The following RBM6 variants were observed in gnomAD, a reference collection of about 807,000 sequenced individuals.
RBM6 encodes RNA binding motif protein 6.
In RBM6, 23 loss-of-function variants were observed where a neutral mutation model predicts 140.4. That is an observed-to-expected ratio of 0.16 (90% CI 0.12 to 0.23). The LOEUF is 0.23. Ranked by LOEUF, RBM6 falls within the 10% of genes least tolerant of loss-of-function variation. The pLI is 1.00. For synonymous variants in RBM6, 439 were observed against 475.6 expected, an observed-to-expected ratio of 0.92 and a Z score of 1.00; for missense variants, 1,139 against 1,386.7, an observed-to-expected ratio of 0.82 and a Z score of 2.84.
chr3:50,023,278 A>G lies in RBM6; in HGVS notation c.1557+23765A>G. Among the ~76,000 whole-genome samples the G allele has an allele frequency of 1.3e-5, 2 of 151,658 alleles. 1 individual carries two copies. On this transcript the variant is annotated intron_variant, in intron 6 of 20. Coordinates refer to ENST00000266022, the MANE Select transcript of RBM6 (RefSeq NM_005777.3). ...CTTCTTCTTGCTTTTATAAAGTCTT[A>G]GCTCCTGTGGAGTTTTCTCTCAGTT...
At chr3:50,023,589 G>A (rs1283255861) in intron 6 of RBM6, among the ~76,000 whole-genome samples, 1 of 151,854 alleles carries the variant, frequency 6.6e-6, no homozygotes, top group Admixed American at 6.6e-5. Flanking sequence ...TGTTTTAAAA[G>A]GAGGTGAATT....
intron 5 of RBM6, among the ~76,000 whole-genome samples, chr3:49,986,067 A>G (rs1316114938): frequency 6.6e-6 from 1 of 151,320 alleles, no homozygotes; most frequent in African/African-American, 2.4e-5. Context: ...TTCACTGGCA[A>G]CCTCCACCTC....
intron 6 of RBM6, among the ~76,000 whole-genome samples, chr3:50,031,307 C>T (rs2088139374): frequency 6.6e-6 from 1 of 152,104 alleles, no homozygotes; most frequent in African/African-American, 2.4e-5. Context: ...GCACTATTCA[C>T]AATAGCAAAG....
chr3:50,039,482 ACCCCC>A lies in RBM6; in HGVS notation c.1558-8753_1558-8749del, dbSNP rs10546220. Among the ~76,000 whole-genome samples, 18 of 122,236 alleles carry A rather than the reference ACCCCC, an allele frequency of 1.5e-4. 1 individual carries two copies. The highest frequency in any genetic ancestry group is 2.1e-4 in the Non-Finnish European group (12 of 56,074). 80.2% of individuals were successfully genotyped at this position (122,236 alleles called of 152,430 possible). Reference sequence around the variant, plus strand: ...TCGAACTCCTGACCTCAGGTGATCCACCCCCCCCCCCCCCACCCTTGGTCTCCCAA... The same window carrying A: ...TCGAACTCCTGACCTCAGGTGATCCACCCCCCCCCACCCTTGGTCTCCCAA... On this transcript the variant is annotated intron_variant, in intron 6 of 20. Coordinates refer to ENST00000266022, the MANE Select transcript of RBM6 (RefSeq NM_005777.3).
chr3:49,989,492 T>C (rs1421415574), intron 5 of RBM6, among the ~76,000 whole-genome samples: 1 of 152,132 alleles, frequency 6.6e-6, no homozygotes, highest in African/African-American at 2.4e-5. Context: ...GGAGAATCGC[T>C]TGAACCCGGA....
intron 6 of RBM6, among the ~76,000 whole-genome samples, chr3:50,023,452 C>T (rs1170996787): frequency 6.6e-6 from 1 of 151,732 alleles, no homozygotes; most frequent in Admixed American, 6.6e-5. Context: ...ATTACAGGTG[C>T]CTGCCACCAC....
intron 1 of RBM6, among the ~76,000 whole-genome samples, chr3:49,957,593 C>T (rs968096984): frequency 8.5e-5 from 13 of 152,144 alleles, no homozygotes; most frequent in Non-Finnish European, 1.6e-4. Context: ...TGAATTTATA[C>T]TAACTTAAGT....
chr3:49,978,059 G>T (rs2085138470), intron 5 of RBM6, among the ~76,000 whole-genome samples: 1 of 152,112 alleles, frequency 6.6e-6, no homozygotes, highest in Non-Finnish European at 1.5e-5. Flanking sequence ...GGAGTGCATT[G>T]GTACGATCAT....
chr3:49,968,890 C>T, intron 3 of RBM6, 142 bp downstream of exon 3: 1 of 1,120,556 alleles, frequency 8.9e-7, no homozygotes, highest in Non-Finnish European at 1.2e-6. Context: ...TGCCATTCTC[C>T]TGCCTCAGCC....
intron 1 of RBM6, among the ~76,000 whole-genome samples, chr3:49,953,564 G>A (rs1269371847): frequency 6.7e-6 from 1 of 150,188 alleles, no homozygotes; most frequent in Non-Finnish European, 1.5e-5. Flanking sequence ...ACCCAGGCTG[G>A]AGTGCAGTAA....
chr3:49,997,544 C>T (rs2086143390), intron 5 of RBM6, among the ~76,000 whole-genome samples: 1 of 152,112 alleles, frequency 6.6e-6, no homozygotes, highest in African/African-American at 2.4e-5. Context: ...TTCATCCGGG[C>T]AGCTATGGAG....
chr3:50,011,006 C>A (rs1349085099), intron 6 of RBM6, among the ~76,000 whole-genome samples: 1 of 151,420 alleles, frequency 6.6e-6, no homozygotes, highest in Non-Finnish European at 1.5e-5. Flanking sequence ...TCCACCCTAC[C>A]CCAACCCCCC....
intron 1 of RBM6, among the ~76,000 whole-genome samples, chr3:49,958,578 A>G (rs988784935): frequency 6.0e-5 from 9 of 148,916 alleles, no homozygotes; most frequent in African/African-American, 2.2e-4. Flanking sequence ...TGTCTCAAAA[A>G]CAAAAAACAA....
rs869272546 is a variant in RBM6 at position 49,955,160 on chromosome 3, C to CTTTTTTTTTTTTTTTTTTTTT, written c.-66-7412_-66-7392dup. ...GGCCGCATAGTATTTTTTTTTCTTTCTTTTTTTTTTTTTTTTTTTTTTTTG... is the reference window on the plus strand; with the variant it reads ...GGCCGCATAGTATTTTTTTTTCTTTCTTTTTTTTTTTTTTTTTTTTTTTTTTTTTTTTTTTTTTTTTTTTTG... On this transcript the variant is annotated intron_variant, in intron 1 of 20. Transcript: ENST00000266022. 8.9e-4 allele frequency among the ~76,000 whole-genome samples: 65 copies of CTTTTTTTTTTTTTTTTTTTTT among 72,712 alleles called. 5 individuals are homozygous for CTTTTTTTTTTTTTTTTTTTTT. Among genetic ancestry groups the CTTTTTTTTTTTTTTTTTTTTT allele is most frequent in the Admixed American group, 1.2e-3 (5 of 4,056 alleles). 47.7% of individuals were successfully genotyped at this position (72,712 alleles called of 152,430 possible). A position where few individuals can be genotyped will look rare whatever the true frequency, so the allele number is the denominator to read the frequency against.
intron 8 of RBM6, among the ~76,000 whole-genome samples, chr3:50,054,999 A>T (rs1006077730): frequency 1.3e-5 from 2 of 151,798 alleles, no homozygotes; most frequent in African/African-American, 2.4e-5. Context: ...AATTATTTGT[A>T]TTTTAGTAGA....
intron 6 of RBM6, among the ~76,000 whole-genome samples, chr3:50,010,671 G>A (rs1317799190): frequency 6.6e-6 from 1 of 151,926 alleles, no homozygotes; most frequent in Non-Finnish European, 1.5e-5. Context: ...GGGAGGCTGA[G>A]GCGGGCAGAT....
intron 11 of RBM6, among the ~76,000 whole-genome samples, chr3:50,060,145 A>C (rs547844146): frequency 5.9e-5 from 9 of 152,160 alleles, no homozygotes; most frequent in Non-Finnish European, 1.3e-4. Flanking sequence ...TGGGCAACAC[A>C]GCAAGACCCT....
chr3:50,030,286 TAAAAAAAAAA>T (rs57797585), intron 6 of RBM6, among the ~76,000 whole-genome samples: 2 of 103,872 alleles, frequency 1.9e-5, no homozygotes, highest in Non-Finnish European at 1.9e-5. Flanking sequence ...CTTTTTGTCT[TAAAAAAAAAA>T]AAAAAAAAAA....
At position 50,021,405 on chromosome 3, in the gene RBM6, C is replaced by T. The variant is rs145749863; in HGVS notation, c.1557+21892C>T. On this transcript the variant is annotated intron_variant, in intron 6 of 20. Transcript: ENST00000266022. ...CTGTAATCCTAGCACTTTGGGAGGC[C>T]GAAACAGGCAGATCACCTGAGGTCA... Among the ~76,000 whole-genome samples the T allele has an allele frequency of 7.0e-3, 1,064 of 152,030 alleles. 15 individuals are homozygous for T. The highest frequency in any genetic ancestry group is 0.024 in the African/African-American group (1,012 of 41,454).
Sources: gnomAD v4.1 joint callset for allele counts (sites outside exome capture counted in the v4.1 genomes callset) on GRCh38, gnomAD v4.1.1 for gene constraint, MANE v1.5 for transcripts, NCBI Gene and HGNC (gene_info 2026-07-23, HGNC 2026-07-21) for gene names.